The following PKHD1 variants were observed in gnomAD, a reference collection of about 807,000 sequenced individuals.
The protein encoded by PKHD1 is PKHD1 ciliary IPT domain containing fibrocystin/polyductin.
PKHD1 carries 291 observed loss-of-function variants against 412.0 expected under a neutral mutation model. The ratio of observed to expected loss-of-function variants is 0.71; its 90% confidence interval spans 0.64 to 0.78. The LOEUF (loss-of-function observed/expected upper bound fraction) is 0.78. Among genes scored for constraint, PKHD1 ranks in the 30% least tolerant of loss-of-function variants. The pLI, the probability that PKHD1 is intolerant of heterozygous loss-of-function variation, is 0.00. For synonymous variants in PKHD1, 1,777 were observed against 1,821.5 expected (o/e 0.98, Z 0.62); for missense variants, 4,825 against 4,950.7 (o/e 0.97, Z 0.76).
intron 60 of PKHD1, among the ~76,000 whole-genome samples, chr6:51,690,401 A>T (rs756888642): frequency 6.6e-6 from 1 of 152,106 alleles, no homozygotes; most frequent in Non-Finnish European, 1.5e-5. Context: ...GTATCATGCT[A>T]TCCAACTTCA....
intron 37 of PKHD1, among the ~76,000 whole-genome samples, chr6:51,913,638 G>A (rs1783329229): frequency 1.3e-5 from 2 of 152,070 alleles, no homozygotes. Context: ...CTCCCTTGTT[G>A]TACTAAAGTA....
rs1476109503 is a variant in PKHD1, at chr6:51,616,200, C to G, written c.*2881G>C. ...ACTAGCATTTTTTGTGGTGAGAACACTTAAAATGTACTTTCAAACACTTTT... is the reference window on the plus strand; with the variant it reads ...ACTAGCATTTTTTGTGGTGAGAACAGTTAAAATGTACTTTCAAACACTTTT... On this transcript the variant is annotated 3_prime_UTR_variant, in exon 67 of 67. Coordinates refer to ENST00000371117, the MANE Select transcript of PKHD1 (RefSeq NM_138694.4). 1.3e-5 allele frequency: 2 copies of G among 152,982 alleles called. No individual in the cohort carries two copies. The highest frequency in any genetic ancestry group is 2.9e-5 in the Non-Finnish European group (2 of 68,626). The allele number at this position is 152,982 out of a possible 1,614,324, so 9.5% of individuals were successfully genotyped here.
chr6:52,028,447 A>T (rs775071479), intron 29 of PKHD1, 96 bp from the exon 30 acceptor site: 13 of 1,138,298 alleles, frequency 1.1e-5, no homozygotes, highest in Non-Finnish European at 1.6e-5. Flanking sequence ...TTAAATTCAC[A>T]GTCACCCCTA....
intron 46 of PKHD1, among the ~76,000 whole-genome samples, chr6:51,880,779 T>TAAAAAAAAAAAAAAAAAA (rs71544105): frequency 8.3e-4 from 25 of 30,046 alleles, no homozygotes; most frequent in South Asian, 2.8e-3. Context: ...AAAAAAAAAT[T>TAAAAAAAAAAAAAAAAAA]AAAAAAAAAA....
Position 51,923,966 on chromosome 6 carries a change from C to T in PKHD1, c.6121+10144G>A, listed in dbSNP as rs192305883. 1.7e-4 allele frequency among the ~76,000 whole-genome samples: 26 copies of T among 152,284 alleles called. No homozygotes were observed. The East Asian group carries it at 4.8e-3, about 28-fold the overall frequency. ...CTTGCAGGCCCCAGTTTCATCATCTCTAAAATGAAAGTAACGATCCCAGTC... is the reference window on the plus strand; with the variant it reads ...CTTGCAGGCCCCAGTTTCATCATCTTTAAAATGAAAGTAACGATCCCAGTC... On this transcript the variant is annotated intron_variant, in intron 37 of 66. Coordinates refer to ENST00000371117, the MANE Select transcript of PKHD1 (RefSeq NM_138694.4).
intron 52 of PKHD1, among the ~76,000 whole-genome samples, chr6:51,806,470 C>G (rs1763802422): frequency 6.6e-6 from 1 of 152,062 alleles, no homozygotes; most frequent in South Asian, 2.1e-4. Flanking sequence ...AGGGAGAGAG[C>G]AAGAATAGAG....
intron 5 of PKHD1, among the ~76,000 whole-genome samples, chr6:52,077,665 A>T (rs1012663037): frequency 1.3e-5 from 2 of 152,174 alleles, no homozygotes; most frequent in Non-Finnish European, 2.9e-5. Flanking sequence ...TTAAGTATTG[A>T]TCCATATGCT....
At chr6:51,821,017 C>T (rs1327015776) in intron 52 of PKHD1, among the ~76,000 whole-genome samples, 19 of 152,188 alleles carry the variant, frequency 1.2e-4, no homozygotes, top group African/African-American at 3.4e-4. Flanking sequence ...AAAACTCCCA[C>T]GGGCAGCTGC....
intron 35 of PKHD1, among the ~76,000 whole-genome samples, chr6:51,989,274 C>T (rs2128061154): frequency 6.6e-6 from 1 of 152,320 alleles, no homozygotes; most frequent in Non-Finnish European, 1.5e-5. Flanking sequence ...GACAAAAACA[C>T]TATTTCAGTT....
intron 63 of PKHD1, 47 bp from the exon 64 acceptor site, chr6:51,639,003 C>G: frequency 1.6e-6 from 2 of 1,288,944 alleles, no homozygotes; most frequent in South Asian, 2.4e-5. Context: ...TATCTAATCT[C>G]GAACAATGTC....
chr6:51,655,816 A>G (rs1159630596), intron 61 of PKHD1, among the ~76,000 whole-genome samples: 1 of 152,168 alleles, frequency 6.6e-6, no homozygotes, highest in African/African-American at 2.4e-5. Flanking sequence ...CAGAAAGGCA[A>G]TTATTAAAAA....
chr6:52,054,404 A>C (rs1407021586), intron 19 of PKHD1, among the ~76,000 whole-genome samples: 1 of 152,182 alleles, frequency 6.6e-6, no homozygotes, highest in Non-Finnish European at 1.5e-5. Context: ...AGACCAAAAA[A>C]ATGTCATCAA....
intron 2 of PKHD1, among the ~76,000 whole-genome samples, chr6:52,084,527 C>A (rs561070096): frequency 4.5e-4 from 69 of 152,170 alleles, no homozygotes; most frequent in Non-Finnish European, 8.8e-4. Context: ...CATCACATAG[C>A]CCAAAAGGAA....
At chr6:51,758,050 GAGAA>G (rs1787352836) in intron 55 of PKHD1, among the ~76,000 whole-genome samples, 1 of 133,748 alleles carries the variant, frequency 7.5e-6, no homozygotes, top group Admixed American at 7.7e-5. Flanking sequence ...GAGAGAGAGA[GAGAA>G]AACAAAGCAA....
Position 52,046,283 on chromosome 6 carries a change from G to A in PKHD1, c.2408-95C>T, listed in dbSNP as rs1404686968. On this transcript the variant is annotated intron_variant, in intron 23 of 66. Coordinates refer to ENST00000371117, the MANE Select transcript of PKHD1 (RefSeq NM_138694.4). ...AGGATAACACGATACATACTAGGAT[G>A]CCTATCAAATTTTCAGGAGACCCTT... 3.1e-6 allele frequency: 3 copies of A among 980,190 alleles called. No individual in the cohort carries two copies. In the East Asian group the frequency reaches 7.2e-5, roughly 23 times the overall value. The allele number at this position is 980,190 out of a possible 1,614,324, so 60.7% of individuals were successfully genotyped here. A position where few individuals can be genotyped will look rare whatever the true frequency, so the allele number is the denominator to read the frequency against.
At position 51,616,416 on chromosome 6, in the gene PKHD1, G is replaced by A. The variant is rs189302289; in HGVS notation, c.*2665C>T. On this transcript the variant is annotated 3_prime_UTR_variant, in exon 67 of 67. Transcript: ENST00000371117. ...TATTTGCTGGGTTACCCATGTTAAC[G>A]ATCTGAATAAATTTAGAGTTGGCCT... 5.6e-6 allele frequency: 2 copies of A among 359,844 alleles called. No individual in the cohort carries two copies. Among genetic ancestry groups the A allele is most frequent in the East Asian group, 4.0e-5 (1 of 24,968 alleles). 22.3% of individuals were successfully genotyped at this position (359,844 alleles called of 1,614,324 possible). A position where few individuals can be genotyped will look rare whatever the true frequency, so the allele number is the denominator to read the frequency against.
chr6:51,673,817 A>G (rs1351850902), intron 60 of PKHD1, among the ~76,000 whole-genome samples: 1 of 152,216 alleles, frequency 6.6e-6, no homozygotes, highest in Admixed American at 6.5e-5. Context: ...AAAAGAGTGG[A>G]ATCTTTAGAA....
chr6:51,660,100 C>A, intron 60 of PKHD1, 131 bp from the exon 61 acceptor site: 1 of 629,410 alleles, frequency 1.6e-6, no homozygotes, highest in Non-Finnish European at 2.7e-6. Flanking sequence ...GTGCCAGATA[C>A]TGAGAGTGCA....
At chr6:52,046,284 C>A in intron 23 of PKHD1, 96 bp from the exon 24 acceptor site, 1 of 971,384 alleles carries the variant, frequency 1.0e-6, no homozygotes, top group Middle Eastern at 2.4e-4. Context: ...TACTAGGATG[C>A]CTATCAAATT....
Sources: allele counts gnomAD v4.1 joint callset (sites outside exome capture counted in the v4.1 genomes callset), GRCh38; gene constraint gnomAD v4.1.1; transcripts MANE v1.5; gene names NCBI Gene and HGNC (gene_info 2026-07-23, HGNC 2026-07-21).